Variants in CYP4F2 observed in about 807,000 individuals in gnomAD.
CYP4F2 encodes the protein cytochrome P450 4F2.
A neutral mutation model predicts 58.9 loss-of-function variants in CYP4F2; 58 were observed. That is an observed-to-expected ratio of 0.98 (90% CI 0.80 to 1.23). CYP4F2 has a LOEUF of 1.23. Ranked by LOEUF, CYP4F2 falls within the 50% of genes most tolerant of loss-of-function variation. CYP4F2 has a pLI of 0.00. For missense variants in CYP4F2, 616 were observed against 685.6 expected, an observed-to-expected ratio of 0.90 and a Z score of 1.13; for synonymous variants, 287 against 261.1, an observed-to-expected ratio of 1.10 and a Z score of -0.95.
intron 9 of CYP4F2, among the ~76,000 whole-genome samples, chr19:15,885,665 G>A (rs553423721): frequency 1.4e-5 from 1 of 73,364 alleles, no homozygotes; most frequent in Admixed American, 1.2e-4. Context: ...TTCATTTGCT[G>A]AACACGTCTA....
intron 3 of CYP4F2, among the ~76,000 whole-genome samples, chr19:15,894,594 A>G (rs1290300247): frequency 6.6e-6 from 1 of 152,190 alleles, no homozygotes; most frequent in African/African-American, 2.4e-5. Context: ...CTTTAAAGTC[A>G]ATAGATTATC....
intron 7 of CYP4F2, chr19:15,886,595 T>A: frequency 4.8e-6 from 2 of 413,762 alleles, no homozygotes; most frequent in Non-Finnish European, 8.6e-6. Context: ...ACTGGCAACC[T>A]GAGTTACAGG....
rs544522798 is a variant in CYP4F2, at chr19:15,882,312, C to T, written c.1116-2415G>A. ...AAGCAGAATGATGGTTACCAGAGGC[C>T]AGGGCTGAGGGAGGGATAGAGAAGG... On this transcript the variant is annotated intron_variant, in intron 9 of 12. Coordinates refer to ENST00000221700, the MANE Select transcript of CYP4F2 (RefSeq NM_001082.5). 5.3e-5 allele frequency among the ~76,000 whole-genome samples: 8 copies of T among 151,676 alleles called. No homozygotes were observed. In the East Asian group the frequency reaches 1.5e-3, roughly 29 times the overall value.
At chr19:15,895,446 T>C (rs1204309268) in intron 3 of CYP4F2, 60 bp downstream of exon 3, 6 of 1,456,186 alleles carry the variant, frequency 4.1e-6, no homozygotes, top group Non-Finnish European at 5.4e-6. Context: ...CACAGGAGCT[T>C]GGGGATAGCG....
intron 5 of CYP4F2, among the ~76,000 whole-genome samples, chr19:15,891,012 A>C (rs1000858698): frequency 6.6e-6 from 1 of 152,222 alleles, no homozygotes; most frequent in East Asian, 1.9e-4. Context: ...CTGCATTGTT[A>C]TAAATTGATT....
rs1404687192 is a variant in CYP4F2 at position 15,897,612 on chromosome 19, C to A, written c.-1G>T. 6 of 1,613,336 alleles carry A rather than the reference C, an allele frequency of 3.7e-6. No individual in the cohort carries two copies. The highest frequency in any genetic ancestry group is 4.2e-6 in the Non-Finnish European group (5 of 1,179,850). Reference sequence around the variant, plus strand: ...GCCAGGACAGGCTCAGCTGGGACATCCTGCAGGGCAGACGGGATGGACGGT... The same window carrying A: ...GCCAGGACAGGCTCAGCTGGGACATACTGCAGGGCAGACGGGATGGACGGT... On this transcript the variant is annotated splice_region_variant and 5_prime_UTR_variant, in exon 2 of 13. Transcript: ENST00000221700.
At chr19:15,888,891 C>T (rs1040520779) in intron 7 of CYP4F2, among the ~76,000 whole-genome samples, 21 of 152,162 alleles carry the variant, frequency 1.4e-4, no homozygotes, top group Admixed American at 2.0e-4. Context: ...AAGGCATAGA[C>T]GCAGACACAG....
intron 6 of CYP4F2, among the ~76,000 whole-genome samples, chr19:15,890,034 T>C (rs973863575): frequency 3.9e-5 from 6 of 152,200 alleles, no homozygotes; most frequent in East Asian, 1.9e-4. Flanking sequence ...AACTGGTCCA[T>C]GGTCTAGCTT....
chr19:15,892,262 C>T, intron 5 of CYP4F2, 47 bp downstream of exon 5: 1 of 1,612,514 alleles, frequency 6.2e-7, no homozygotes, highest in Non-Finnish European at 8.5e-7. Flanking sequence ...CTCTGTTGTC[C>T]TTTCACCCCA....
In CYP4F2 at chr19:15,895,642, G is replaced by A; in HGVS notation, c.207C>T (p.Pro69=). The A allele has an allele frequency of 6.3e-7, 1 of 1,596,466 alleles. No individual in the cohort carries two copies. The highest frequency in any genetic ancestry group is 8.5e-7 in the Non-Finnish European group (1 of 1,172,828). ...WFWGHQGMVN[P]TEEGMRVLTQ... The stretch of plus-strand genomic sequence containing the variant: ...TCAGAACTCTCATGCCCTCCTCTGT[G>A]GGGTTGACCTGCAAGCAAGGCAGGG... Residue 69 remains proline, a synonymous_variant, in exon 3 of 13, where the codon CCC becomes CCT. Transcript: ENST00000221700.
At chr19:15,893,061 T>A (rs58035316) in intron 3 of CYP4F2, among the ~76,000 whole-genome samples, 1 of 152,142 alleles carries the variant, frequency 6.6e-6, no homozygotes, top group Non-Finnish European at 1.5e-5. Flanking sequence ...TAACATGAGA[T>A]GGTGTGCTCT....
chr19:15,889,726 T>C (rs1162707806), intron 6 of CYP4F2, 33 bp from the exon 7 acceptor site: 1 of 1,607,740 alleles, frequency 6.2e-7, no homozygotes, highest in East Asian at 2.2e-5. Flanking sequence ...GAGGCAACAA[T>C]TTAATATACC....
At chr19:15,879,994 T>C in intron 9 of CYP4F2, 97 bp from the exon 10 acceptor site, 1 of 1,568,876 alleles carries the variant, frequency 6.4e-7, no homozygotes. Flanking sequence ...CTCCCCGCAA[T>C]AAAATAAACT....
Position 15,885,959 on chromosome 19 carries a change from T to C in CYP4F2, c.1080A>G (p.Glu360=). 6.2e-7 allele frequency: 1 copy of C among 1,614,006 alleles called. No homozygotes were observed. Among genetic ancestry groups the C allele is most frequent in the Non-Finnish European group, 8.5e-7 (1 of 1,179,956 alleles). ...YQERCRQEVQ[E]LLKDREPKEI... ...CTTTAGGCTCACGGTCCTTCAGAAGTTCTTGCACCTCCTGCCGGCAGCGCT... is the reference window on the plus strand; with the variant it reads ...CTTTAGGCTCACGGTCCTTCAGAAGCTCTTGCACCTCCTGCCGGCAGCGCT... The change falls in exon 9 of 13, where the codon GAA becomes GAG. Residue 360 remains glutamate, a synonymous_variant. Coordinates refer to ENST00000221700, the MANE Select transcript of CYP4F2 (RefSeq NM_001082.5).
At chr19:15,886,486 A>C in intron 7 of CYP4F2, 178 bp from the exon 8 acceptor site, 19 of 678,082 alleles carry the variant, frequency 2.8e-5, no homozygotes, top group Non-Finnish European at 3.6e-5. Flanking sequence ...CCCTCACCTC[A>C]TGGCCTTCCT....
In CYP4F2 at chr19:15,897,526, C is replaced by A. The variant is rs1273845586; in HGVS notation, c.86G>T (p.Trp29Leu). 1 of 1,614,002 alleles carries A rather than the reference C, an allele frequency of 6.2e-7. No homozygotes were observed. The highest frequency in any genetic ancestry group is 8.5e-7 in the Non-Finnish European group (1 of 1,179,964). ...WLLLLLVGAS[W>L]LLAHVLAWTY... The stretch of plus-strand genomic sequence containing the variant: ...CCAGGCCAGGACATGGGCCAGGAGC[C>A]AGGAGGCCCCGACCAGCAGGAGGAG... The change falls in exon 2 of 13, where the codon TGG (tryptophan) becomes TTG (leucine). Residue 29 changes from tryptophan to leucine, a missense_variant. Coordinates refer to ENST00000221700, the MANE Select transcript of CYP4F2 (RefSeq NM_001082.5).
intron 7 of CYP4F2, among the ~76,000 whole-genome samples, chr19:15,888,871 A>T (rs2089398814): frequency 6.6e-6 from 1 of 152,246 alleles, no homozygotes; most frequent in Non-Finnish European, 1.5e-5. Context: ...ACAAACACAG[A>T]AAAAAGACAA....
chr19:15,883,590 T>C (rs1454598221), intron 9 of CYP4F2, among the ~76,000 whole-genome samples: 1 of 152,046 alleles, frequency 6.6e-6, no homozygotes, highest in East Asian at 1.9e-4. Context: ...AAACTAAAAG[T>C]AGAACTAACA....
Position 15,879,802 on chromosome 19 carries a change from T to C in CYP4F2, c.1211A>G (p.Gln404Arg). The part of the protein sequence containing the change: ...PVPVISRHVT[Q>R]DIVLPDGRVI... ...CCGGCCGTCTGGGAGCACAATGTCC[T>C]GGGTGACATGGCGGGAGATGACCGG... The change falls in exon 10 of 13, where the codon CAG (glutamine) becomes CGG (arginine). Residue 404 changes from glutamine to arginine, a missense_variant. By Grantham distance (43) the Gln-to-Arg change is conservative. Coordinates refer to ENST00000221700, the MANE Select transcript of CYP4F2 (RefSeq NM_001082.5). 1 of 1,614,110 alleles carries C rather than the reference T, an allele frequency of 6.2e-7. No individual in the cohort carries two copies. The highest frequency in any genetic ancestry group is 8.5e-7 in the Non-Finnish European group (1 of 1,179,996).
Sources: gnomAD v4.1 joint callset for allele counts (sites outside exome capture counted in the v4.1 genomes callset) on GRCh38, gnomAD v4.1.1 for gene constraint, MANE v1.5 for transcripts, NCBI Gene and HGNC (gene_info 2026-07-23, HGNC 2026-07-21) for gene names.